The following HEPH variants were observed in gnomAD, a reference collection of about 807,000 sequenced individuals.
The protein encoded by HEPH is hephaestin.
A neutral mutation model predicts 80.8 loss-of-function variants in HEPH; 69 were observed. The observed-to-expected ratio is 0.85, with a 90% CI of 0.70 to 1.04. HEPH has a LOEUF of 1.04. HEPH is among the 50% of genes least tolerant of loss of function. The probability of loss-of-function intolerance (pLI) is 0.00; values close to 1 mark genes in which losing one functional copy is unlikely to be tolerated. For synonymous variants in HEPH, 431 were observed against 322.8 expected (o/e 1.34, Z -3.60); for missense variants, 1,115 against 891.3 (o/e 1.25, Z -3.20).
At chrX:66,226,288 G>C (rs967093736) in intron 15 of HEPH, among the ~76,000 whole-genome samples, 1 of 110,928 alleles carries the variant, frequency 9.0e-6, no homozygotes, top group Middle Eastern at 4.3e-3. Flanking sequence ...TATGAGGGGT[G>C]GTCTCCTCCC....
At chrX:66,206,610 A>G (rs1297539386) in intron 13 of HEPH, among the ~76,000 whole-genome samples, 1 of 107,763 alleles carries the variant, frequency 9.3e-6, no homozygotes, top group Non-Finnish European at 1.9e-5. Flanking sequence ...TAAGCAATCT[A>G]CCGGCCTTAG....
At chrX:66,251,413 T>C (rs1237769662) in intron 15 of HEPH, among the ~76,000 whole-genome samples, 2 of 112,228 alleles carry the variant, frequency 1.8e-5, no homozygotes, top group Non-Finnish European at 3.8e-5. Context: ...TGTAATGATA[T>C]CTCATTGTAA....
At chrX:66,231,304 T>A (rs1428290814) in intron 15 of HEPH, among the ~76,000 whole-genome samples, 1 of 107,960 alleles carries the variant, frequency 9.3e-6, no homozygotes, top group Non-Finnish European at 1.9e-5. Context: ...TTTTTTCCAA[T>A]TCTGTGAAGA....
At position 66,164,435 on chromosome X, in the gene HEPH, G is replaced by A; in HGVS notation, c.-49G>A. 1.3e-6 allele frequency: 1 copy of A among 753,084 alleles called. No individual in the cohort carries two copies. Among genetic ancestry groups the A allele is most frequent in the Non-Finnish European group, 1.6e-6 (1 of 638,303 alleles). The allele number at this position is 753,084 out of a possible 1,213,427, so 62.1% of individuals were successfully genotyped here. On this transcript the variant is annotated 5_prime_UTR_variant, in exon 1 of 21. Coordinates refer to ENST00000343002, the MANE Select transcript of HEPH (RefSeq NM_001367233.3). ...GTCTGCAGTGCAGCATTAATGGGCC[G>A]CTGACATGAATATGGAGTAGTTTTC... is the stretch of plus-strand genomic sequence containing the variant.
intron 4 of HEPH, among the ~76,000 whole-genome samples, chrX:66,186,707 C>T (rs1274983676): frequency 5.4e-5 from 6 of 111,640 alleles, no homozygotes. Flanking sequence ...TGTTCCTATT[C>T]GGCCATCTTT....
At chrX:66,179,386 T>C (rs1181157436) in intron 4 of HEPH, among the ~76,000 whole-genome samples, 1 of 111,871 alleles carries the variant, frequency 8.9e-6, no homozygotes, top group Non-Finnish European at 1.9e-5. Context: ...GCGTCATGCC[T>C]CCAGCTTTGT....
At chrX:66,263,198 G>A (rs771730784) in intron 19 of HEPH, among the ~76,000 whole-genome samples, 2 of 112,062 alleles carry the variant, frequency 1.8e-5, no homozygotes, top group African/African-American at 6.5e-5. Context: ...GAAGTATTGA[G>A]ATGATGTAAA....
In HEPH at chrX:66,173,638, T is replaced by C. The variant is rs759599391; in HGVS notation, c.462T>C (p.Ser154=). 5.1e-5 allele frequency: 62 copies of C among 1,209,217 alleles called. No homozygotes were observed. Among genetic ancestry groups the C allele is most frequent in the Non-Finnish European group, 6.1e-5 (55 of 894,808 alleles). ...GSSGPLKADD[S]VPPGGSHIYN... is the part of the protein sequence containing the mutation. Reference sequence around the variant, plus strand: ...CTGGGCCACTGAAAGCTGATGACTCTGTTCCCCCGGGGGGCAGCCATATCT... The same window carrying C: ...CTGGGCCACTGAAAGCTGATGACTCCGTTCCCCCGGGGGGCAGCCATATCT... Residue 154 remains serine (S), a synonymous_variant, in exon 4 of 21, where the codon TCT becomes TCC. Coordinates refer to ENST00000343002, the MANE Select transcript of HEPH (RefSeq NM_001367233.3).
intron 15 of HEPH, among the ~76,000 whole-genome samples, chrX:66,225,909 G>A (rs774896709): frequency 5.3e-5 from 6 of 112,205 alleles, no homozygotes; most frequent in African/African-American, 1.6e-4. Flanking sequence ...TTATTCGGCC[G>A]GGAGCTTCGG....
rs2091560988 is a variant in HEPH at position 66,267,066 on chromosome X, C to A, written c.*394C>A. 7.2e-6 allele frequency: 1 copy of A among 138,418 alleles called. No homozygotes were observed. Among genetic ancestry groups the A allele is most frequent in the Non-Finnish European group, 1.4e-5 (1 of 69,830 alleles). 11.4% of individuals were successfully genotyped at this position (138,418 alleles called of 1,213,427 possible). A position where few individuals can be genotyped will look rare whatever the true frequency, so the allele number is the denominator to read the frequency against. ...TCTTTCAAGGACTCAGGAAATTTCA[C>A]TTTGAACTGAGGCCAAGTGAGCTGT... On this transcript the variant is annotated 3_prime_UTR_variant, in exon 21 of 21. Transcript: ENST00000343002.
chrX:66,266,630 C>A lies in HEPH; in HGVS notation c.3435C>A (p.Ser1145=), dbSNP rs2091549198. 2 of 1,208,320 alleles carry A rather than the reference C, an allele frequency of 1.7e-6. No individual in the cohort carries two copies. Among genetic ancestry groups the A allele is most frequent in the African/African-American group, 1.7e-5 (1 of 57,446 alleles). ...GAAAGCTACGACGCAATAGGAGGTC[C>A]ATCCTGGATGACAGCTTCAAGCTTC... ...RQRKLRRNRR[S]ILDDSFKLLS... is the part of the protein sequence containing the mutation. Residue 1145 remains serine (S), a synonymous_variant, in exon 21 of 21, where the codon TCC becomes TCA. Transcript: ENST00000343002.
At chrX:66,192,443 G>A (rs2087850973) in intron 7 of HEPH, 145 bp downstream of exon 7, 2 of 621,560 alleles carry the variant, frequency 3.2e-6, no homozygotes, top group Non-Finnish European at 4.8e-6. Context: ...TGTTAGCCAA[G>A]TTCTTGTGTC....
At chrX:66,255,446 G>C (rs1279919672) in intron 16 of HEPH, among the ~76,000 whole-genome samples, 2 of 111,223 alleles carry the variant, frequency 1.8e-5, no homozygotes. Flanking sequence ...CCTGGGATTG[G>C]TTGTACAGAG....
chrX:66,255,161 C>G lies in HEPH; in HGVS notation c.2670+20C>G. 9.1e-7 allele frequency: 1 copy of G among 1,097,942 alleles called. No homozygotes were observed. Among genetic ancestry groups the G allele is most frequent in the Non-Finnish European group, 1.3e-6 (1 of 797,653 alleles). The allele number at this position is 1,097,942 out of a possible 1,213,427, so 90.5% of individuals were successfully genotyped here. The stretch of plus-strand genomic sequence containing the variant: ...ATCAAGGTAAATACAAGATTGGCTA[C>G]CTGGAGGTGGGTCAAACTCCCTGGC... On this transcript the variant is annotated intron_variant, in intron 16 of 20. Coordinates refer to ENST00000343002, the MANE Select transcript of HEPH (RefSeq NM_001367233.3).
chrX:66,249,029 G>T (rs2148141892), intron 15 of HEPH, among the ~76,000 whole-genome samples: 1 of 111,605 alleles, frequency 9.0e-6, no homozygotes, highest in African/African-American at 3.2e-5. Context: ...AGGAAAAAAT[G>T]TATGAAATTG....
intron 4 of HEPH, among the ~76,000 whole-genome samples, chrX:66,181,293 G>C (rs1359808010): frequency 3.0e-3 from 5 of 1,655 alleles, no homozygotes; most frequent in African/African-American, 0.016. Flanking sequence ...CACAATGGTT[G>C]AACTAGTTTA....
intron 4 of HEPH, among the ~76,000 whole-genome samples, chrX:66,180,450 C>T (rs1012808289): frequency 9.0e-6 from 1 of 111,127 alleles, no homozygotes; most frequent in African/African-American, 3.3e-5. Context: ...TCCCTTCTAG[C>T]TTGTAGAGTT....
chrX:66,259,525 C>T (rs1377603031), intron 18 of HEPH, among the ~76,000 whole-genome samples: 1 of 111,701 alleles, frequency 9.0e-6, no homozygotes, highest in South Asian at 3.7e-4. Context: ...ATGCCTCATT[C>T]ATAGGGGTCA....
At chrX:66,175,807 T>C (rs1220142467) in intron 4 of HEPH, among the ~76,000 whole-genome samples, 2 of 111,599 alleles carry the variant, frequency 1.8e-5, no homozygotes, top group Admixed American at 9.5e-5. Context: ...CTTGATTTGA[T>C]TCCCTGCTTG....
Sources: gnomAD v4.1 joint callset for allele counts (sites outside exome capture counted in the v4.1 genomes callset) on GRCh38, gnomAD v4.1.1 for gene constraint, MANE v1.5 for transcripts, NCBI Gene and HGNC (gene_info 2026-07-23, HGNC 2026-07-21) for gene names.